KRIT1: variants seen among roughly 807,000 people sequenced by gnomAD.
KRIT1 encodes the protein KRIT1 ankyrin repeat containing.
Under a neutral mutation model 95.8 loss-of-function variants are expected in KRIT1, and 45 were observed. The ratio of observed to expected loss-of-function variants is 0.47; its 90% CI spans 0.37 to 0.60. The LOEUF (loss-of-function observed/expected upper bound fraction) is 0.60. KRIT1 is among the 20% of genes least tolerant of loss of function. The pLI is 0.00. For missense variants in KRIT1, 788 were observed against 877.5 expected (o/e 0.90, Z 1.29); for synonymous variants, 282 against 278.8 (o/e 1.01, Z -0.11).
At chr7:92,229,021 T>C (rs1033264562) in intron 10 of KRIT1, among the ~76,000 whole-genome samples, 45 of 152,224 alleles carry the variant, frequency 3.0e-4, no homozygotes, top group African/African-American at 1.0e-3. Flanking sequence ...GTCTTTGCTA[T>C]TGTGAATAGT....
chr7:92,221,134 G>C (rs1795053439), intron 14 of KRIT1, among the ~76,000 whole-genome samples: 1 of 151,910 alleles, frequency 6.6e-6, no homozygotes, highest in African/African-American at 2.4e-5. Flanking sequence ...TTCTCTGTTT[G>C]AGTTAAGATG....
chr7:92,230,407 C>A (rs1797042363), intron 10 of KRIT1, among the ~76,000 whole-genome samples: 1 of 152,124 alleles, frequency 6.6e-6, no homozygotes, highest in Admixed American at 6.5e-5. Flanking sequence ...TTCATTATAG[C>A]TCCATTATGC....
intron 10 of KRIT1, among the ~76,000 whole-genome samples, chr7:92,230,280 T>C (rs190166073): frequency 9.4e-4 from 143 of 152,200 alleles, no homozygotes; most frequent in African/African-American, 3.3e-3. Flanking sequence ...AGAAGCCAGT[T>C]TTCTGAATCT....
chr7:92,222,699 GAGA>G, intron 13 of KRIT1, 120 bp downstream of exon 13: 1 of 687,720 alleles, frequency 1.5e-6, no homozygotes, highest in Non-Finnish European at 2.5e-6. Context: ...TTATATAAAA[GAGA>G]AGAACATTGT....
At position 92,209,556 on chromosome 7, in the gene KRIT1, C is replaced by A. The variant is rs75572320; in HGVS notation, c.2025+3639G>T. ...TACAAAAATAAGTGGCATTTCTATACACCGATAATGAACCAGCTGAAAAAG... is the reference window on the plus strand; with the variant it reads ...TACAAAAATAAGTGGCATTTCTATAAACCGATAATGAACCAGCTGAAAAAG... On this transcript the variant is annotated intron_variant, in intron 17 of 18. Transcript: ENST00000394505. Among the ~76,000 whole-genome samples the A allele has an allele frequency of 6.3e-3, 956 of 152,210 alleles. 6 individuals carry two copies. The highest frequency in any genetic ancestry group is 8.6e-3 in the Non-Finnish European group (582 of 68,010).
At chr7:92,240,762 C>A (rs1018594524) in intron 5 of KRIT1, 1 of 548,038 alleles carries the variant, frequency 1.8e-6, no homozygotes, top group African/African-American at 1.9e-5. Flanking sequence ...GGGAACTACA[C>A]TTCACATCAA....
At position 92,200,610 on chromosome 7, in the gene KRIT1, C is replaced by T; in HGVS notation, c.*126G>A. ...CAGGTGATCCGCCTGCCCCAGCCTC[C>T]CAAAGTGCTGGAATTACAGGGGTGA... On this transcript the variant is annotated 3_prime_UTR_variant, in exon 19 of 19. Transcript: ENST00000394505. 2.8e-6 allele frequency: 2 copies of T among 718,468 alleles called. No homozygotes were observed. The highest frequency in any genetic ancestry group is 4.0e-5 in the Admixed American group (2 of 49,620). The allele number at this position is 718,468 out of a possible 1,614,324, so 44.5% of individuals were successfully genotyped here.
intron 17 of KRIT1, among the ~76,000 whole-genome samples, chr7:92,211,040 G>A (rs1025129120): frequency 6.6e-6 from 1 of 152,160 alleles, no homozygotes; most frequent in African/African-American, 2.4e-5. Flanking sequence ...ACAAATGCTG[G>A]TGAGGATGCA....
intron 17 of KRIT1, among the ~76,000 whole-genome samples, chr7:92,210,347 T>C (rs1195434605): frequency 2.6e-5 from 4 of 152,066 alleles, no homozygotes; most frequent in Non-Finnish European, 4.4e-5. Context: ...AATACAGATC[T>C]CAATGGAACA....
Position 92,241,169 on chromosome 7 carries a change from A to AT in KRIT1, c.103-18dup. ...CAACAAAATCTTAGATGAGAAAAAC[A>AT]TTAAGAGAAAGCTTAAAATAAAGTC... On this transcript the variant is annotated splice_polypyrimidine_tract_variant and intron_variant, in intron 4 of 18. Transcript: ENST00000394505. 6.4e-7 allele frequency: 1 copy of AT among 1,574,642 alleles called. No individual in the cohort carries two copies.
chr7:92,223,200 C>A (rs146976676), intron 12 of KRIT1, among the ~76,000 whole-genome samples: 1 of 147,700 alleles, frequency 6.8e-6, no homozygotes, highest in South Asian at 2.1e-4. Flanking sequence ...GAGGCCGAGG[C>A]GGGCGGATCA....
chr7:92,241,205 A>G, intron 4 of KRIT1, 53 bp from the exon 5 acceptor site: 4 of 1,279,490 alleles, frequency 3.1e-6, no homozygotes, highest in Non-Finnish European at 4.5e-6. Context: ...TACTTGCCCT[A>G]GAATACTACA....
In KRIT1 at chr7:92,199,913, C is replaced by T. The variant is rs536778777; in HGVS notation, c.*823G>A. ...TTCATGAACTATACTTTGAGAAACA[C>T]TACTGTATATCAGATTTACATTTTA... On this transcript the variant is annotated 3_prime_UTR_variant, in exon 19 of 19. Transcript: ENST00000394505. 2 of 152,266 alleles carry T rather than the reference C, an allele frequency of 1.3e-5. No homozygotes were observed. Among genetic ancestry groups the T allele is most frequent in the South Asian group, 2.1e-4 (1 of 4,824 alleles). The allele number at this position is 152,266 out of a possible 1,614,324, so 9.4% of individuals were successfully genotyped here. A position where few individuals can be genotyped will look rare whatever the true frequency, so the allele number is the denominator to read the frequency against.
chr7:92,226,355 T>A (rs1796207377), intron 11 of KRIT1, among the ~76,000 whole-genome samples, 171 bp downstream of exon 11: 1 of 152,158 alleles, frequency 6.6e-6, no homozygotes, highest in Admixed American at 6.5e-5. Context: ...ATATATTCCA[T>A]TATTTATTCT....
intron 16 of KRIT1, 40 bp from the exon 17 acceptor site, chr7:92,213,441 G>T: frequency 7.3e-7 from 1 of 1,377,910 alleles, no homozygotes; most frequent in Non-Finnish European, 1.0e-6. Context: ...AAAGAGATAT[G>T]AAAGGAAAAT....
At chr7:92,245,219 G>C (rs1017817384) in intron 1 of KRIT1, 48 bp from the exon 2 acceptor site, 2 of 151,836 alleles carry the variant, frequency 1.3e-5, no homozygotes, top group Admixed American at 6.6e-5. Context: ...GTTACAGGGG[G>C]AGAAGTGAGT....
In KRIT1 at chr7:92,235,839, A is replaced by G. The variant is rs75654928; in HGVS notation, c.486-193T>C. ...TTGCAAATTGATTTTTTTAACAAAA[A>G]AACATGCATAATACTGTACATACTT... On this transcript the variant is annotated intron_variant, in intron 7 of 18. Coordinates refer to ENST00000394505, the MANE Select transcript of KRIT1 (RefSeq NM_194454.3). 3,242 of 513,864 alleles carry G rather than the reference A, an allele frequency of 6.3e-3. 81 individuals are homozygous for G. The highest frequency in any genetic ancestry group is 0.056 in the African/African-American group (2,933 of 52,232). 31.8% of individuals were successfully genotyped at this position (513,864 alleles called of 1,614,324 possible).
Position 92,201,559 on chromosome 7 carries a change from A to T in KRIT1, c.2026-136T>A. 2.3e-5 allele frequency: 15 copies of T among 663,940 alleles called. No individual in the cohort carries two copies. In the South Asian group the frequency reaches 2.4e-4, roughly 11 times the overall value. 41.1% of individuals were successfully genotyped at this position (663,940 alleles called of 1,614,324 possible). A position where few individuals can be genotyped will look rare whatever the true frequency, so the allele number is the denominator to read the frequency against. The stretch of plus-strand genomic sequence containing the variant: ...CTTTTTCTAAAAATTATTATACTTT[A>T]AGTTCTGGGGTACACGTGCAGAATG... On this transcript the variant is annotated intron_variant, in intron 17 of 18. Coordinates refer to ENST00000394505, the MANE Select transcript of KRIT1 (RefSeq NM_194454.3).
At chr7:92,210,357 A>T (rs1036579171) in intron 17 of KRIT1, among the ~76,000 whole-genome samples, 7 of 152,218 alleles carry the variant, frequency 4.6e-5, no homozygotes, top group African/African-American at 1.7e-4. Flanking sequence ...TCAATGGAAC[A>T]GAGAACCCAG....
Sources: gnomAD v4.1 joint callset for allele counts (sites outside exome capture counted in the v4.1 genomes callset) on GRCh38, gnomAD v4.1.1 for gene constraint, MANE v1.5 for transcripts, NCBI Gene and HGNC (gene_info 2026-07-23, HGNC 2026-07-21) for gene names.